MALRD1: variants seen among roughly 807,000 people sequenced by gnomAD.
MALRD1 encodes MAM and LDL-receptor class A domain-containing protein 1.
Under a neutral mutation model 242.1 loss-of-function variants are expected in MALRD1, and 247 were observed. The ratio of observed to expected loss-of-function variants is 1.02; its 90% CI spans 0.92 to 1.13. The LOEUF (loss-of-function observed/expected upper bound fraction) is 1.13, where lower values mean the gene tolerates loss of function less well. Among genes scored for constraint, MALRD1 ranks in the 50% most tolerant of loss-of-function variants. MALRD1 has a pLI of 0.00. For missense variants in MALRD1, 2,989 were observed against 2,533.1 expected, an observed-to-expected ratio of 1.18 and a Z score of -3.86; for synonymous variants, 995 against 866.6, an observed-to-expected ratio of 1.15 and a Z score of -2.60.
intron 24 of MALRD1, among the ~76,000 whole-genome samples, chr10:19,340,162 A>G (rs1045981056): frequency 6.6e-6 from 1 of 152,168 alleles, no homozygotes; most frequent in South Asian, 2.1e-4. Context: ...GTAGATGTCT[A>G]TGTTTACGGG....
intron 36 of MALRD1, among the ~76,000 whole-genome samples, chr10:19,619,081 G>A (rs1360791254): frequency 6.6e-6 from 1 of 152,012 alleles, no homozygotes; most frequent in Non-Finnish European, 1.5e-5. Flanking sequence ...ATTTTATTTG[G>A]TTATCTCCTA....
intron 24 of MALRD1, among the ~76,000 whole-genome samples, chr10:19,344,559 A>C (rs114664011): frequency 0.01 from 1,532 of 152,140 alleles, 20 homozygotes; most frequent in African/African-American, 0.026. Context: ...GCTGTATCAT[A>C]AATCTTGAAA....
intron 31 of MALRD1, among the ~76,000 whole-genome samples, chr10:19,510,671 A>C (rs1183288191): frequency 1.3e-5 from 2 of 152,200 alleles, no homozygotes; most frequent in Non-Finnish European, 2.9e-5. Context: ...AGGCAGAAGA[A>C]TTTTTCTTAG....
intron 12 of MALRD1, among the ~76,000 whole-genome samples, chr10:19,163,464 A>G (rs1401711462): frequency 1.4e-5 from 2 of 147,980 alleles, no homozygotes; most frequent in Non-Finnish European, 3.0e-5. Context: ...AGAACAATGA[A>G]CACAAAGAAG....
At chr10:19,550,589 T>A (rs904553561) in intron 32 of MALRD1, among the ~76,000 whole-genome samples, 2 of 152,096 alleles carry the variant, frequency 1.3e-5, no homozygotes, top group Non-Finnish European at 2.9e-5. Context: ...TGTGAGAACA[T>A]GCGGTATTTG....
At chr10:19,403,579 T>G (rs930162639) in intron 28 of MALRD1, among the ~76,000 whole-genome samples, 2 of 152,124 alleles carry the variant, frequency 1.3e-5, no homozygotes, top group African/African-American at 4.8e-5. Flanking sequence ...TGAAGTGACT[T>G]AGAGACTTAA....
chr10:19,515,257 A>G (rs926482642), intron 31 of MALRD1, among the ~76,000 whole-genome samples: 1 of 152,124 alleles, frequency 6.6e-6, no homozygotes, highest in African/African-American at 2.4e-5. Flanking sequence ...ACTCTTAGTG[A>G]CCTTAATTTA....
intron 29 of MALRD1, among the ~76,000 whole-genome samples, chr10:19,490,711 C>T (rs1837452572): frequency 1.6e-5 from 2 of 126,132 alleles, no homozygotes; most frequent in Non-Finnish European, 3.6e-5. Context: ...ACAATACATG[C>T]TATTTAGTTT....
intron 26 of MALRD1, among the ~76,000 whole-genome samples, chr10:19,365,659 T>TAAAA (rs199989681): frequency 1.6e-5 from 2 of 122,920 alleles, no homozygotes; most frequent in Non-Finnish European, 3.5e-5. Context: ...TTATAAATTC[T>TAAAA]AAAAAAAAAA....
At chr10:19,583,799 G>A (rs943454015) in intron 33 of MALRD1, among the ~76,000 whole-genome samples, 1 of 151,828 alleles carries the variant, frequency 6.6e-6, no homozygotes, top group Non-Finnish European at 1.5e-5. Flanking sequence ...AGAAGGAATG[G>A]TACCAGTTCC....
At chr10:19,234,656 C>A (rs189382122) in intron 18 of MALRD1, among the ~76,000 whole-genome samples, 5 of 152,036 alleles carry the variant, frequency 3.3e-5, no homozygotes, top group Admixed American at 6.6e-5. Context: ...TAATTCATGT[C>A]TATTGGTATA....
chr10:19,130,615 T>C (rs1448400510), intron 8 of MALRD1, among the ~76,000 whole-genome samples: 1 of 152,162 alleles, frequency 6.6e-6, no homozygotes, highest in East Asian at 1.9e-4. Flanking sequence ...ATGAGTGATG[T>C]ATTTTAAAAG....
intron 18 of MALRD1, among the ~76,000 whole-genome samples, chr10:19,255,306 G>C (rs1413475752): frequency 1.3e-5 from 2 of 151,792 alleles, no homozygotes; most frequent in Non-Finnish European, 1.5e-5. Context: ...AATCAATACT[G>C]TCTTATATAC....
At chr10:19,661,787 TA>T (rs1044316234) in intron 36 of MALRD1, among the ~76,000 whole-genome samples, 1 of 151,560 alleles carries the variant, frequency 6.6e-6, no homozygotes, top group Non-Finnish European at 1.5e-5. Context: ...AGTATAATTT[TA>T]AAAAAAAAGA....
chr10:19,706,507 C>T (rs535464457), intron 38 of MALRD1, among the ~76,000 whole-genome samples: 13 of 151,964 alleles, frequency 8.6e-5, no homozygotes, highest in Middle Eastern at 3.4e-3. Flanking sequence ...CCTGCCACCA[C>T]GCCTGGCTAA....
intron 18 of MALRD1, among the ~76,000 whole-genome samples, chr10:19,214,761 AC>A (rs1837233190): frequency 6.6e-6 from 1 of 152,182 alleles, no homozygotes; most frequent in Non-Finnish European, 1.5e-5. Context: ...AGATTGGGAA[AC>A]AAAAAGAAGT....
At chr10:19,586,378 T>C (rs1837403158) in intron 33 of MALRD1, among the ~76,000 whole-genome samples, 1 of 152,202 alleles carries the variant, frequency 6.6e-6, no homozygotes, top group Non-Finnish European at 1.5e-5. Context: ...TGGTCTTTGA[T>C]GATGGTGATG....
chr10:19,687,127 AT>A (rs543368637), intron 36 of MALRD1, among the ~76,000 whole-genome samples: 71 of 152,014 alleles, frequency 4.7e-4, no homozygotes, highest in South Asian at 1.0e-3. Flanking sequence ...CGTATCTAAC[AT>A]TTTTTTTCTT....
At chr10:19,182,681 G>T (rs556608455) in intron 14 of MALRD1, among the ~76,000 whole-genome samples, 1 of 151,858 alleles carries the variant, frequency 6.6e-6, no homozygotes, top group Non-Finnish European at 1.5e-5. Context: ...TCCTTTTAAG[G>T]TCATCATTAT....
Sources: gnomAD v4.1 joint callset for allele counts (sites outside exome capture counted in the v4.1 genomes callset) on GRCh38, gnomAD v4.1.1 for gene constraint, MANE v1.5 for transcripts, NCBI Gene and HGNC (gene_info 2026-07-23, HGNC 2026-07-21) for gene names.